Variants in NEK3 observed in about 807,000 individuals in gnomAD.
NEK3 encodes the protein serine/threonine-protein kinase Nek3.
NEK3 carries 54 observed loss-of-function variants against 66.0 expected under a neutral mutation model. That is an observed-to-expected ratio of 0.82 (90% CI 0.66 to 1.03). NEK3 has a LOEUF of 1.03. NEK3 is among the 50% of genes least tolerant of loss of function. NEK3 has a pLI of 0.00. For synonymous variants in NEK3, 200 were observed against 206.2 expected (o/e 0.97, Z 0.26); for missense variants, 593 against 603.0 (o/e 0.98, Z 0.17).
In NEK3 at chr13:52,143,899, CTG is replaced by C. The variant is rs1956271758; in HGVS notation, c.877+14_877+15del. ...AAAAGAGCACTTAACAAAAAATACT[CTG>C]TCAAAATTCTTACTTTTTTTTCTTG... On this transcript the variant is annotated intron_variant, in intron 10 of 15. Transcript: ENST00000610828. 2 of 1,293,176 alleles carry C rather than the reference CTG, an allele frequency of 1.5e-6. No individual in the cohort carries two copies. The highest frequency in any genetic ancestry group is 2.1e-6 in the Non-Finnish European group (2 of 938,108). 80.1% of individuals were successfully genotyped at this position (1,293,176 alleles called of 1,614,324 possible). A position where few individuals can be genotyped will look rare whatever the true frequency, so the allele number is the denominator to read the frequency against.
intron 5 of NEK3, among the ~76,000 whole-genome samples, chr13:52,152,216 G>A (rs1956353139): frequency 6.6e-6 from 1 of 152,164 alleles, no homozygotes; most frequent in African/African-American, 2.4e-5. Context: ...GTGATCTGTT[G>A]TACAACATGG....
In NEK3 at chr13:52,133,709, A is replaced by G; in HGVS notation, c.1416T>C (p.Pro472=). The change falls in exon 15 of 16, where the codon CCT becomes CCC. Residue 472 remains proline (P), a synonymous_variant. Transcript: ENST00000610828. ...SVILDPERLE[P]GLDEEDTDFE... ...CGTACGTGTCCTCCTCATCTAGCCC[A>G]GGCTCAAGTCGCTCTGGATCCAAAA... 6 of 1,557,522 alleles carry G rather than the reference A, an allele frequency of 3.9e-6. No homozygotes were observed. The highest frequency in any genetic ancestry group is 5.2e-6 in the Non-Finnish European group (6 of 1,149,640).
chr13:52,136,190 A>G lies in NEK3; in HGVS notation c.1100T>C (p.Val367Ala), dbSNP rs1956204533. 2 of 1,613,742 alleles carry G rather than the reference A, an allele frequency of 1.2e-6. No individual in the cohort carries two copies. Among genetic ancestry groups the G allele is most frequent in the African/African-American group, 2.7e-5 (2 of 74,942 alleles). ...CAAAGCTGTAAGAGCTGTATTGGGT[A>G]CATTTTTCTCCCACTGTCGTCTATG... ...NLHRRQWEKN[V>A]PNTALTALEN... The change falls in exon 13 of 16, where the codon GTA becomes GCA. Residue 367 changes from valine (V) to alanine (A), a missense_variant. Transcript: ENST00000610828.
intron 2 of NEK3, among the ~76,000 whole-genome samples, chr13:52,155,300 T>C (rs751730346): frequency 2.0e-5 from 3 of 152,226 alleles, no homozygotes; most frequent in Non-Finnish European, 2.9e-5. Flanking sequence ...AATTCTTTCA[T>C]AGGACAACTA....
At chr13:52,142,442 A>T (rs1956259784) in intron 10 of NEK3, among the ~76,000 whole-genome samples, 1 of 151,982 alleles carries the variant, frequency 6.6e-6, no homozygotes, top group Admixed American at 6.6e-5. Context: ...ACGCCCAGCT[A>T]ATTTTTTGTA....
chr13:52,154,018 A>C, intron 3 of NEK3, 26 bp from the exon 4 acceptor site: 1 of 1,604,356 alleles, frequency 6.2e-7, no homozygotes, highest in Non-Finnish European at 8.5e-7. Flanking sequence ...GCTCTTTAGA[A>C]AAGCTGTAGT....
chr13:52,143,899 C>G lies in NEK3; in HGVS notation c.877+16G>C, dbSNP rs988181561. On this transcript the variant is annotated intron_variant, in intron 10 of 15. Coordinates refer to ENST00000610828, the MANE Select transcript of NEK3 (RefSeq NM_002498.3). ...AAAAGAGCACTTAACAAAAAATACT[C>G]TGTCAAAATTCTTACTTTTTTTTCT... 18 of 1,293,174 alleles carry G rather than the reference C, an allele frequency of 1.4e-5. No homozygotes were observed. The highest frequency in any genetic ancestry group is 1.9e-5 in the Non-Finnish European group (18 of 938,106). 80.1% of individuals were successfully genotyped at this position (1,293,174 alleles called of 1,614,324 possible). A position where few individuals can be genotyped will look rare whatever the true frequency, so the allele number is the denominator to read the frequency against.
intron 2 of NEK3, among the ~76,000 whole-genome samples, chr13:52,155,531 C>G (rs1485631056): frequency 1.3e-5 from 2 of 152,162 alleles, no homozygotes; most frequent in African/African-American, 4.8e-5. Flanking sequence ...TAGCAGTAAT[C>G]ACCACCAAAA....
intron 5 of NEK3, among the ~76,000 whole-genome samples, 169 bp downstream of exon 5, chr13:52,152,440 A>T (rs1313439605): frequency 6.6e-6 from 1 of 152,228 alleles, no homozygotes; most frequent in Admixed American, 6.5e-5. Flanking sequence ...TTTGTCAATT[A>T]TATTTTAAGA....
chr13:52,146,445 G>A (rs567631237), intron 8 of NEK3, among the ~76,000 whole-genome samples: 2 of 152,004 alleles, frequency 1.3e-5, no homozygotes, highest in Admixed American at 1.3e-4. Context: ...TTTTGTCTTC[G>A]AGCAGACAAG....
intron 2 of NEK3, among the ~76,000 whole-genome samples, chr13:52,154,563 G>A (rs1006403420): frequency 7.3e-5 from 11 of 151,460 alleles, no homozygotes; most frequent in Non-Finnish European, 1.3e-4. Flanking sequence ...AAAAAAAAAA[G>A]GGAGTGAGGG....
chr13:52,151,972 C>A (rs1956350363), intron 5 of NEK3, among the ~76,000 whole-genome samples: 1 of 152,198 alleles, frequency 6.6e-6, no homozygotes, highest in Non-Finnish European at 1.5e-5. Flanking sequence ...CACTATATAG[C>A]CTAGGTGTGT....
Position 52,133,685 on chromosome 13 carries a change from G to A in NEK3, c.1436+4C>T, listed in dbSNP as rs1347813969. ...TACAGCTTTCTATGCATATCACAAC[G>A]TACGTGTCCTCCTCATCTAGCCCAG... On this transcript the variant is annotated splice_donor_region_variant and intron_variant, in intron 15 of 15. Transcript: ENST00000610828. The A allele has an allele frequency of 7.1e-6, 11 of 1,549,268 alleles. No individual in the cohort carries two copies. The highest frequency in any genetic ancestry group is 1.4e-5 in the African/African-American group (1 of 72,494).
At chr13:52,139,450 G>A (rs541896589) in intron 11 of NEK3, among the ~76,000 whole-genome samples, 310 of 152,272 alleles carry the variant, frequency 2.0e-3, no homozygotes, top group African/African-American at 7.3e-3. Flanking sequence ...TGCTTAACAG[G>A]TACAGAGTTT....
chr13:52,148,300 A>C, intron 8 of NEK3, 115 bp downstream of exon 8: 1 of 966,118 alleles, frequency 1.0e-6, no homozygotes, highest in Non-Finnish European at 1.6e-6. Context: ...AACATATACA[A>C]ACTTTTATAA....
chr13:52,150,564 C>A (rs1956335250), intron 7 of NEK3, among the ~76,000 whole-genome samples: 1 of 152,224 alleles, frequency 6.6e-6, no homozygotes, highest in Non-Finnish European at 1.5e-5. Flanking sequence ...CTTCCCTGCA[C>A]ATCCATCCCC....
intron 8 of NEK3, among the ~76,000 whole-genome samples, chr13:52,146,947 A>C (rs1956299977): frequency 6.6e-6 from 1 of 152,204 alleles, no homozygotes; most frequent in African/African-American, 2.4e-5. Flanking sequence ...GCCTGTGCCC[A>C]AAGAACAGAA....
intron 6 of NEK3, 21 bp from the exon 7 acceptor site, chr13:52,151,253 C>G: frequency 6.3e-7 from 1 of 1,599,656 alleles, no homozygotes; most frequent in Non-Finnish European, 8.5e-7. Context: ...AAAAAGGCAA[C>G]GAATGATTAC....
chr13:52,134,776 C>T (rs1197147457), intron 14 of NEK3, among the ~76,000 whole-genome samples: 1 of 152,200 alleles, frequency 6.6e-6, no homozygotes, highest in Non-Finnish European at 1.5e-5. Context: ...TCCTCCCATG[C>T]ATTAGCCTCT....
Sources: allele counts gnomAD v4.1 joint callset (sites outside exome capture counted in the v4.1 genomes callset), GRCh38; gene constraint gnomAD v4.1.1; transcripts MANE v1.5; gene names NCBI Gene and HGNC (gene_info 2026-07-23, HGNC 2026-07-21).